Variants in IPCEF1 observed in about 807,000 individuals in gnomAD.
The protein encoded by IPCEF1 is interactor protein for cytohesin exchange factors 1.
In IPCEF1, 31 loss-of-function variants were observed where a neutral mutation model predicts 50.9. The observed-to-expected ratio is 0.61, with a 90% CI of 0.46 to 0.82. The LOEUF is 0.82. IPCEF1 is among the 40% of genes least tolerant of loss of function. The probability of loss-of-function intolerance (pLI) is 0.00; values close to 1 mark genes in which losing one functional copy is unlikely to be tolerated. For synonymous variants in IPCEF1, 181 were observed against 192.0 expected, an observed-to-expected ratio of 0.94 and a Z score of 0.47; for missense variants, 458 against 514.0, an observed-to-expected ratio of 0.89 and a Z score of 1.05.
At chr6:154,299,809 A>G (rs1782747681) in intron 1 of IPCEF1, among the ~76,000 whole-genome samples, 1 of 140,656 alleles carries the variant, frequency 7.1e-6, no homozygotes, top group South Asian at 2.2e-4. Context: ...AGGGATGGAT[A>G]AAAGGACTGA....
At chr6:154,208,099 A>G (rs113550702) in intron 9 of IPCEF1, among the ~76,000 whole-genome samples, 9 of 151,122 alleles carry the variant, frequency 6.0e-5, no homozygotes, top group African/African-American at 2.2e-4. Flanking sequence ...TCCATTTGAA[A>G]TGGAAGTTGA....
chr6:154,191,854 ACT>A (rs1250195716), intron 10 of IPCEF1, among the ~76,000 whole-genome samples: 1 of 152,150 alleles, frequency 6.6e-6, no homozygotes, highest in African/African-American at 2.4e-5. Context: ...GTATATGTAA[ACT>A]CTGTACTGTC....
At chr6:154,314,984 G>T (rs1296281480) in intron 1 of IPCEF1, among the ~76,000 whole-genome samples, 1 of 151,470 alleles carries the variant, frequency 6.6e-6, no homozygotes, top group Non-Finnish European at 1.5e-5. Flanking sequence ...AGGTTCAAGC[G>T]ATTCTCCTGC....
At chr6:154,347,675 C>A (rs1784056715) in intron 1 of IPCEF1, among the ~76,000 whole-genome samples, 1 of 152,222 alleles carries the variant, frequency 6.6e-6, no homozygotes, top group East Asian at 1.9e-4. Context: ...TCCTCTTGGA[C>A]TCTATTTTCT....
chr6:154,306,458 A>G (rs1350024778), intron 1 of IPCEF1, among the ~76,000 whole-genome samples: 2 of 152,104 alleles, frequency 1.3e-5, no homozygotes, highest in East Asian at 1.9e-4. Context: ...GCTGGCCTCG[A>G]ACTCCTGCGT....
intron 10 of IPCEF1, among the ~76,000 whole-genome samples, chr6:154,172,787 A>T (rs975302314): frequency 2.6e-5 from 4 of 152,260 alleles, no homozygotes; most frequent in Admixed American, 6.5e-5. Context: ...TCCTTGCCTG[A>T]CAGCTCTGAA....
intron 1 of IPCEF1, among the ~76,000 whole-genome samples, chr6:154,322,189 T>C (rs1783399976): frequency 6.6e-6 from 1 of 152,090 alleles, no homozygotes; most frequent in South Asian, 2.1e-4. Context: ...CCTTCAGGCA[T>C]GCAAGAAATA....
intron 1 of IPCEF1, among the ~76,000 whole-genome samples, chr6:154,355,190 T>C (rs1784195334): frequency 6.6e-6 from 1 of 152,180 alleles, no homozygotes; most frequent in Non-Finnish European, 1.5e-5. Flanking sequence ...CAGGCAATAG[T>C]GATGAAGTAA....
intron 1 of IPCEF1, among the ~76,000 whole-genome samples, chr6:154,323,999 T>G (rs1008551077): frequency 6.6e-6 from 1 of 152,204 alleles, no homozygotes; most frequent in African/African-American, 2.4e-5. Flanking sequence ...GAAACAAGAC[T>G]GATCACATTG....
chr6:154,312,511 T>A (rs1198012696), intron 1 of IPCEF1, among the ~76,000 whole-genome samples: 1 of 152,050 alleles, frequency 6.6e-6, no homozygotes, highest in Non-Finnish European at 1.5e-5. Context: ...CACACCCGGC[T>A]AATTTTTTGT....
At chr6:154,214,193 T>G in intron 8 of IPCEF1, 25 bp downstream of exon 8, 1 of 1,501,546 alleles carries the variant, frequency 6.7e-7, no homozygotes, top group East Asian at 2.3e-5. Context: ...TTGCTAAATT[T>G]TCAGAAATTT....
chr6:154,323,136 T>C lies in IPCEF1; in HGVS notation c.-61-33380A>G, dbSNP rs566359220. 2.8e-4 allele frequency among the ~76,000 whole-genome samples: 43 copies of C among 152,214 alleles called. 1 individual carries two copies. The South Asian group carries it at 6.2e-3, about 22-fold the overall frequency. ...CCATTGCCTTAGATACCCTGCCCAG[T>C]TTCCAACTCCCAGCATCTGAGTCCC... On this transcript the variant is annotated intron_variant, in intron 1 of 11. Coordinates refer to ENST00000367220, the MANE Select transcript of IPCEF1 (RefSeq NM_001130700.2).
At chr6:154,288,676 CAAAAAAAAA>C (rs558703057) in intron 2 of IPCEF1, among the ~76,000 whole-genome samples, 9 of 46,938 alleles carry the variant, frequency 1.9e-4, no homozygotes, top group Admixed American at 3.2e-4. Context: ...ACAAAAAAAA[CAAAAAAAAA>C]AAAAAAAAAA....
At chr6:154,213,185 T>C (rs925218507) in intron 8 of IPCEF1, 3 of 271,836 alleles carry the variant, frequency 1.1e-5, no homozygotes, top group East Asian at 1.6e-4. Context: ...ATTTTGATTG[T>C]AGGAATCCTA....
At chr6:154,224,035 T>C (rs1468237126) in intron 5 of IPCEF1, among the ~76,000 whole-genome samples, 2 of 152,248 alleles carry the variant, frequency 1.3e-5, no homozygotes, top group Non-Finnish European at 2.9e-5. Context: ...AAAGTTTAAC[T>C]GAGCCACAAC....
chr6:154,248,757 A>T (rs969694640), intron 3 of IPCEF1, among the ~76,000 whole-genome samples: 4 of 152,168 alleles, frequency 2.6e-5, no homozygotes, highest in African/African-American at 9.7e-5. Context: ...TAAAATGAAG[A>T]TATTGATAAT....
chr6:154,256,537 G>T (rs946217411), intron 3 of IPCEF1, among the ~76,000 whole-genome samples: 1 of 146,122 alleles, frequency 6.8e-6, no homozygotes, highest in Non-Finnish European at 1.5e-5. Context: ...CTCTGTCTCC[G>T]TCTCTCTCTC....
At chr6:154,355,550 G>T (rs550129010) in intron 1 of IPCEF1, among the ~76,000 whole-genome samples, 6 of 150,392 alleles carry the variant, frequency 4.0e-5, no homozygotes, top group African/African-American at 1.2e-4. Flanking sequence ...GTGCAGTGGC[G>T]CAATCTCAGC....
At chr6:154,283,291 CAAA>C (rs35691566) in intron 2 of IPCEF1, among the ~76,000 whole-genome samples, 4 of 66,388 alleles carry the variant, frequency 6.0e-5, no homozygotes, top group Admixed American at 2.2e-4. Context: ...AACTCCATCT[CAAA>C]AAAAAAAAAA....
Sources: gnomAD v4.1 joint callset for allele counts (sites outside exome capture counted in the v4.1 genomes callset) on GRCh38, gnomAD v4.1.1 for gene constraint, MANE v1.5 for transcripts, NCBI Gene and HGNC (gene_info 2026-07-23, HGNC 2026-07-21) for gene names.